Variants in DST observed in about 807,000 individuals in gnomAD.
DST encodes bullous pemphigoid antigen.
Under a neutral mutation model 875.2 loss-of-function variants are expected in DST, and 253 were observed. That is an observed-to-expected ratio of 0.29 (90% confidence interval 0.26 to 0.32). DST has a LOEUF of 0.32. Ranked by LOEUF, DST falls within the 10% of genes least tolerant of loss-of-function variation. The pLI is 1.00. For synonymous variants in DST, 3,124 were observed against 3,197.1 expected (o/e 0.98, Z 0.77); for missense variants, 8,287 against 9,111.6 (o/e 0.91, Z 3.68).
intron 2 of DST, among the ~76,000 whole-genome samples, chr6:56,903,775 T>C (rs1413572885): frequency 1.3e-5 from 2 of 152,210 alleles, no homozygotes; most frequent in East Asian, 3.8e-4. Context: ...CTAAACCACT[T>C]AAATCAGTCT....
chr6:56,489,408 TA>T, intron 86 of DST, 81 bp downstream of exon 86: 1 of 1,398,306 alleles, frequency 7.2e-7, no homozygotes, highest in East Asian at 2.4e-5. Flanking sequence ...TAGTGATGAA[TA>T]AACACGTGAT....
In DST at chr6:56,532,394, G is replaced by A. The variant is rs1562601760; in HGVS notation, c.17058C>T (p.Leu5686=). The A allele has an allele frequency of 6.2e-7, 1 of 1,613,634 alleles. No individual in the cohort carries two copies. The highest frequency in any genetic ancestry group is 8.5e-7 in the Non-Finnish European group (1 of 1,179,696). ...CCTCCCATCTGCTATCCAAGAGACTGAGCTGTTTCAAAATCTTCACTTTAT... is the reference window on the plus strand; with the variant it reads ...CCTCCCATCTGCTATCCAAGAGACTAAGCTGTTTCAAAATCTTCACTTTAT... The part of the protein sequence containing the change: ...PADKVKILKQ[L]SLLDSRWEAL... The change falls in exon 64 of 104, where the codon CTC becomes CTT. Residue 5686 remains leucine, a synonymous_variant. Transcript: ENST00000680361.
chr6:56,580,759 G>A (rs1359364210), intron 49 of DST, among the ~76,000 whole-genome samples: 5 of 140,038 alleles, frequency 3.6e-5, no homozygotes, highest in South Asian at 2.3e-4. Context: ...GGGGGGCAGC[G>A]TCTCACTCTG....
Position 56,954,555 on chromosome 6 carries a change from T to G in DST, c.33A>C (p.Arg11Ser). 7.3e-7 allele frequency: 1 copy of G among 1,365,462 alleles called. No individual in the cohort carries two copies. 84.6% of individuals were successfully genotyped at this position (1,365,462 alleles called of 1,614,324 possible). Residue 11 changes from arginine to serine, a missense_variant, in exon 1 of 104, where the codon AGA (arginine) becomes AGC (serine). Arg to Ser is a moderately radical substitution (Grantham distance 110, BLOSUM62 -1). Transcript: ENST00000680361. ...AGAGGGCACATTGGATGCTGTAGGG[T>G]CTCAGCAAGACGAGGAAAGCCGCGG... MIAAAFLVLLRPYSIQCALFL... is the reference protein window; with the variant it reads MIAAAFLVLLSPYSIQCALFL...
At chr6:56,799,139 G>T (rs987268417) in intron 4 of DST, among the ~76,000 whole-genome samples, 1 of 152,272 alleles carries the variant, frequency 6.6e-6, no homozygotes, top group Non-Finnish European at 1.5e-5. Context: ...AAGCAGCAGC[G>T]GGGCTTGAGA....
chr6:56,740,158 G>A (rs968081262), intron 4 of DST, among the ~76,000 whole-genome samples: 1 of 152,142 alleles, frequency 6.6e-6, no homozygotes, highest in African/African-American at 2.4e-5. Flanking sequence ...GTGAGCCACC[G>A]CACCTGGCCT....
At chr6:56,620,767 C>A (rs2098683398) in intron 36 of DST, 1 of 1,504,278 alleles carries the variant, frequency 6.6e-7, no homozygotes, top group Admixed American at 1.7e-5. Context: ...AAATATCTTA[C>A]AACGTATGAA....
At chr6:56,679,786 C>T in intron 9 of DST, among the ~76,000 whole-genome samples, 1 of 151,866 alleles carries the variant, frequency 6.6e-6, no homozygotes. Flanking sequence ...AAAAATTCTT[C>T]ACTACTTGTC....
chr6:56,848,448 G>C (rs1294747736), intron 4 of DST, among the ~76,000 whole-genome samples: 1 of 152,162 alleles, frequency 6.6e-6, no homozygotes, highest in Non-Finnish European at 1.5e-5. Context: ...ATTTCAGGGA[G>C]GGGGTAAGTT....
At chr6:56,691,268 A>G (rs2099226791) in intron 9 of DST, among the ~76,000 whole-genome samples, 1 of 152,218 alleles carries the variant, frequency 6.6e-6, no homozygotes, top group Non-Finnish European at 1.5e-5. Flanking sequence ...TGACAGAGCT[A>G]CATAGATAAT....
intron 3 of DST, 129 bp from the exon 4 acceptor site, chr6:56,851,733 A>G: frequency 6.4e-7 from 1 of 1,552,162 alleles, no homozygotes; most frequent in Non-Finnish European, 8.7e-7. Flanking sequence ...ATCCTGCACC[A>G]TCCTCGGAGC....
chr6:56,650,458 G>C (rs1341409151), intron 12 of DST, among the ~76,000 whole-genome samples: 1 of 151,676 alleles, frequency 6.6e-6, no homozygotes, highest in African/African-American at 2.4e-5. Context: ...CTGCTAATTT[G>C]GCCAAATCCA....
intron 98 of DST, among the ~76,000 whole-genome samples, chr6:56,468,462 G>C (rs1304581249): frequency 6.6e-6 from 1 of 152,174 alleles, no homozygotes; most frequent in Non-Finnish European, 1.5e-5. Flanking sequence ...CAAAATTGGT[G>C]ATTTTGAACA....
At position 56,463,131 on chromosome 6, in the gene DST, T is replaced by C. The variant is rs771480926; in HGVS notation, c.22985A>G (p.Tyr7662Cys). The stretch of plus-strand genomic sequence containing the variant: ...GCTGTTTGTCAACCATGGTTTACCA[T>C]AATTGCGTGTTAAAGGATGGAGAAT... ...PKILHPLTRN[Y>C]GKPWLTNSKM... Residue 7662 changes from tyrosine (Y) to cysteine (C), a missense_variant, in exon 102 of 104, where the codon TAT becomes TGT. Tyr to Cys is a radical substitution (Grantham distance 194, BLOSUM62 -2). This residue lies in a region of DST where 240 missense variants were observed against 237.3 expected (regional missense o/e 1.01). Coordinates refer to ENST00000680361, the MANE Select transcript of DST (RefSeq NM_001374736.1). The C allele has an allele frequency of 3.2e-5, 52 of 1,612,476 alleles. No homozygotes were observed. In the South Asian group the frequency reaches 5.2e-4, roughly 16 times the overall value.
Position 56,614,338 on chromosome 6 carries a change from C to G in DST, c.5058+18G>C. On this transcript the variant is annotated intron_variant, in intron 37 of 103. Coordinates refer to ENST00000680361, the MANE Select transcript of DST (RefSeq NM_001374736.1). ...CCTGCTATTATTATTATTATTAAAC[C>G]AGGACTTCTGTGAATACCTTTTGCT... is the stretch of plus-strand genomic sequence containing the variant. 6.3e-7 allele frequency: 1 copy of G among 1,575,998 alleles called. No homozygotes were observed. The highest frequency in any genetic ancestry group is 8.6e-7 in the Non-Finnish European group (1 of 1,162,548).
intron 100 of DST, 112 bp downstream of exon 100, chr6:56,464,573 G>T: frequency 1.3e-6 from 1 of 773,246 alleles, no homozygotes; most frequent in Non-Finnish European, 2.2e-6. Context: ...TATGAGTTAA[G>T]CCATACGCGA....
At position 56,482,687 on chromosome 6, in the gene DST, C is replaced by G; in HGVS notation, c.21398G>C (p.Arg7133Pro). Residue 7133 changes from arginine (R) to proline (P), a missense_variant, in exon 89 of 104, where the codon CGT (arginine) becomes CCT (proline). Arg to Pro is a moderately radical substitution (Grantham distance 103). Coordinates refer to ENST00000680361, the MANE Select transcript of DST (RefSeq NM_001374736.1). ...SKQTRLEAAL[R>P]QAEEFHSVVH... ...TCTCATTTACATGGTTTTTACCTGA[C>G]GCAGGGCTGCTTCTAACCGTGTTTG... The G allele has an allele frequency of 6.2e-7, 1 of 1,612,526 alleles. No individual in the cohort carries two copies. The highest frequency in any genetic ancestry group is 1.7e-5 in the Admixed American group (1 of 59,950).
chr6:56,867,721 GGAGGCT>G (rs528513149), intron 3 of DST, among the ~76,000 whole-genome samples: 160 of 152,200 alleles, frequency 1.1e-3, no homozygotes, highest in African/African-American at 3.5e-3. Context: ...CAGCTATTCG[GGAGGCT>G]GAGGCTGAGG....
In DST at chr6:56,527,660, T is replaced by C; in HGVS notation, c.17755A>G (p.Thr5919Ala). 1 of 1,613,812 alleles carries C rather than the reference T, an allele frequency of 6.2e-7. No individual in the cohort carries two copies. Among genetic ancestry groups the C allele is most frequent in the Non-Finnish European group, 8.5e-7 (1 of 1,179,838 alleles). ...TGTTCCAGAGTCTTGGCCACATCAG[T>C]GCTCAGTTTAGTAATGTCTTTGTAC... ...ARYKDITKLS[T>A]DVAKTLEQAL... The change falls in exon 68 of 104, where the codon ACT becomes GCT. Residue 5919 changes from threonine (T) to alanine (A), a missense_variant. Thr to Ala is a moderately conservative substitution (Grantham distance 58). Around this residue, in one of 10 missense-constraint regions of DST, gnomAD observed 777 missense variants for 764.8 expected, o/e 1.02. Coordinates refer to ENST00000680361, the MANE Select transcript of DST (RefSeq NM_001374736.1).
Sources: allele counts gnomAD v4.1 joint callset (sites outside exome capture counted in the v4.1 genomes callset), GRCh38; gene constraint gnomAD v4.1.1; regional missense constraint gnomAD v4.1.1; transcripts MANE v1.5; gene names NCBI Gene and HGNC (gene_info 2026-07-23, HGNC 2026-07-21).